The following GADL1 variants were observed in gnomAD, a reference collection of about 807,000 sequenced individuals.
GADL1 encodes acidic amino acid decarboxylase GADL1.
A neutral mutation model predicts 69.5 loss-of-function variants in GADL1; 71 were observed. The ratio of observed to expected loss-of-function variants is 1.02; its 90% CI spans 0.84 to 1.25. GADL1 has a LOEUF of 1.25. Among genes scored for constraint, GADL1 ranks in the 50% most tolerant of loss-of-function variants. The pLI, the probability that GADL1 is intolerant of heterozygous loss-of-function variation, is 0.00. For synonymous variants in GADL1, 254 were observed against 214.4 expected (o/e 1.18, Z -1.62); for missense variants, 737 against 631.8 (o/e 1.17, Z -1.79).
At chr3:30,798,936 C>T (rs1446421338) in intron 12 of GADL1, 3 of 152,272 alleles carry the variant, frequency 2.0e-5, no homozygotes, top group Non-Finnish European at 2.9e-5. Context: ...CCTTTGACTC[C>T]ATGTCTCATA....
intron 14 of GADL1, among the ~76,000 whole-genome samples, chr3:30,738,967 C>T (rs887414765): frequency 1.3e-5 from 2 of 152,174 alleles, no homozygotes; most frequent in Non-Finnish European, 2.9e-5. Context: ...CTACAATTTT[C>T]TCTTTTGATT....
intron 11 of GADL1, among the ~76,000 whole-genome samples, chr3:30,821,118 G>A: frequency 6.6e-6 from 1 of 152,020 alleles, no homozygotes; most frequent in East Asian, 1.9e-4. Context: ...GGTGGGAATT[G>A]AACAATGAGA....
At chr3:30,815,313 G>A in intron 11 of GADL1, among the ~76,000 whole-genome samples, 1 of 152,148 alleles carries the variant, frequency 6.6e-6, no homozygotes, top group Non-Finnish European at 1.5e-5. Context: ...GGCAGGGAGG[G>A]AAAGTAGACA....
At chr3:30,752,079 G>A (rs1446676132) in intron 14 of GADL1, among the ~76,000 whole-genome samples, 2 of 151,464 alleles carry the variant, frequency 1.3e-5, no homozygotes, top group African/African-American at 4.9e-5. Flanking sequence ...AACCTATTTC[G>A]TTAAAGTACT....
At chr3:30,838,673 A>T (rs965511714) in intron 9 of GADL1, among the ~76,000 whole-genome samples, 3 of 152,158 alleles carry the variant, frequency 2.0e-5, no homozygotes, top group Admixed American at 6.6e-5. Flanking sequence ...TCAGAATTTC[A>T]AACCAAAGTC....
chr3:30,736,018 C>T (rs569753829), intron 14 of GADL1, among the ~76,000 whole-genome samples: 23 of 152,168 alleles, frequency 1.5e-4, no homozygotes, highest in African/African-American at 5.5e-4. Context: ...TTTCCTTTTA[C>T]ATTTTGGATC....
intron 1 of GADL1, among the ~76,000 whole-genome samples, chr3:30,884,160 G>A (rs971674198): frequency 6.6e-6 from 1 of 151,996 alleles, no homozygotes; most frequent in African/African-American, 2.4e-5. Flanking sequence ...TCTACGGTCC[G>A]TCTCTAACTT....
At position 30,778,265 on chromosome 3, in the gene GADL1, C is replaced by T; in HGVS notation, c.1306G>A (p.Glu436Lys). 2 of 1,597,228 alleles carry T rather than the reference C, an allele frequency of 1.3e-6. No individual in the cohort carries two copies. Among genetic ancestry groups the T allele is most frequent in the Non-Finnish European group, 1.7e-6 (2 of 1,166,120 alleles). ...TACCAAAAGCAAATATTGGCATATT[C>T]AGGCTGAGAATTAGAAAAAATATAA... ...REGFKLLMEP[E>K]YANICFWYIP... is the part of the protein sequence containing the mutation. The change falls in exon 14 of 15, where the codon GAA becomes AAA. Residue 436 changes from glutamate (E) to lysine (K), a missense_variant. Physicochemically the swap from Glu to Lys is moderately conservative, Grantham distance 56 (BLOSUM62 1). Transcript: ENST00000282538.
chr3:30,854,875 A>G, intron 3 of GADL1, 86 bp from the exon 4 acceptor site: 1 of 710,140 alleles, frequency 1.4e-6, no homozygotes, highest in Non-Finnish European at 2.4e-6. Context: ...AATCTTTCAG[A>G]AAATGAAAGC....
At chr3:30,889,596 A>T (rs770827486) in intron 1 of GADL1, among the ~76,000 whole-genome samples, 4 of 152,220 alleles carry the variant, frequency 2.6e-5, no homozygotes, top group Non-Finnish European at 5.9e-5. Flanking sequence ...TGAAAAATTA[A>T]TATTCTTAGT....
intron 6 of GADL1, among the ~76,000 whole-genome samples, chr3:30,845,667 G>GGT (rs1290735594): frequency 1.3e-5 from 2 of 152,104 alleles, no homozygotes; most frequent in Admixed American, 1.3e-4. Flanking sequence ...TTTTATTTCA[G>GGT]GTTGTTAAAA....
intron 9 of GADL1, among the ~76,000 whole-genome samples, chr3:30,836,907 T>C (rs1362400140): frequency 6.3e-4 from 96 of 151,812 alleles, no homozygotes; most frequent in Non-Finnish European, 2.9e-5. Flanking sequence ...CTAATAAAAC[T>C]AGTTTTTCTT....
chr3:30,851,024 A>G, intron 4 of GADL1, 83 bp from the exon 5 acceptor site: 1 of 795,214 alleles, frequency 1.3e-6, no homozygotes, highest in Non-Finnish European at 2.0e-6. Flanking sequence ...ACAGAGTTCT[A>G]TTAAACCAAG....
At chr3:30,880,579 T>C (rs1340691451) in intron 1 of GADL1, among the ~76,000 whole-genome samples, 1 of 151,978 alleles carries the variant, frequency 6.6e-6, no homozygotes, top group Non-Finnish European at 1.5e-5. Context: ...CATGTGGAAT[T>C]GTGATTCCAT....
intron 13 of GADL1, among the ~76,000 whole-genome samples, chr3:30,779,387 C>A (rs925018654): frequency 6.6e-6 from 1 of 152,184 alleles, no homozygotes; most frequent in South Asian, 2.1e-4. Flanking sequence ...AATTATGCTC[C>A]AGTATATAAA....
intron 11 of GADL1, among the ~76,000 whole-genome samples, chr3:30,814,975 A>C (rs954514745): frequency 3.4e-4 from 48 of 140,650 alleles, no homozygotes; most frequent in African/African-American, 1.2e-3. Context: ...TTTAAAAAAA[A>C]AAAAAAATTT....
rs1218147425 is a variant in GADL1, at chr3:30,858,559, GC to G, written c.211-1419del. Among the ~76,000 whole-genome samples, 6 of 152,124 alleles carry G rather than the reference GC, an allele frequency of 3.9e-5. No homozygotes were observed. The South Asian group carries it at 1.2e-3, about 32-fold the overall frequency. On this transcript the variant is annotated intron_variant, in intron 2 of 14. Transcript: ENST00000282538. ...TAGATTTTGAGGGTGAGATGAATGA[GC>G]CAAGGATCATCCCAAGGTTTCCAGC...
chr3:30,797,677 TTTTG>T, intron 12 of GADL1: 1 of 151,766 alleles, frequency 6.6e-6, no homozygotes, highest in East Asian at 1.9e-4. Context: ...TTTGTTTTTT[TTTTG>T]TTTTTTAAAC....
chr3:30,787,949 AT>A (rs767074219), intron 12 of GADL1, among the ~76,000 whole-genome samples: 1 of 152,144 alleles, frequency 6.6e-6, no homozygotes, highest in Non-Finnish European at 1.5e-5. Context: ...ATGTTTGTAT[AT>A]TTCAAAGATA....
Sources: gnomAD v4.1 joint callset for allele counts (sites outside exome capture counted in the v4.1 genomes callset) on GRCh38, gnomAD v4.1.1 for gene constraint, MANE v1.5 for transcripts, NCBI Gene and HGNC (gene_info 2026-07-23, HGNC 2026-07-21) for gene names.